Variants in DOCK3 observed in about 807,000 individuals in gnomAD.
DOCK3 encodes dedicator of cytokinesis 3, also known as dedicator of cytokinesis protein 3.
In DOCK3, 60 loss-of-function variants were observed where a neutral mutation model predicts 265.6. The observed-to-expected ratio is 0.23, with a 90% CI of 0.18 to 0.28. DOCK3 has a LOEUF of 0.28. DOCK3 is among the 10% of genes least tolerant of loss of function. DOCK3 has a pLI of 1.00. For synonymous variants in DOCK3, 881 were observed against 938.0 expected (o/e 0.94, Z 1.11); for missense variants, 1,981 against 2,594.3 (o/e 0.76, Z 5.14).
intron 1 of DOCK3, among the ~76,000 whole-genome samples, chr3:50,697,744 T>G (rs2107789654): frequency 2.0e-5 from 3 of 152,344 alleles, no homozygotes. Flanking sequence ...GTGACTCAGC[T>G]CATCATTATG....
chr3:50,881,547 C>A (rs989790251), intron 3 of DOCK3, among the ~76,000 whole-genome samples: 7 of 152,098 alleles, frequency 4.6e-5, no homozygotes, highest in African/African-American at 1.7e-4. Flanking sequence ...ACCTAGGAAT[C>A]CAACTTACAA....
At position 51,090,274 on chromosome 3, in the gene DOCK3, A is replaced by G. The variant is rs886991063; in HGVS notation, c.636A>G (p.Pro212=). 2 of 1,599,422 alleles carry G rather than the reference A, an allele frequency of 1.3e-6. No homozygotes were observed. Among genetic ancestry groups the G allele is most frequent in the Non-Finnish European group, 1.7e-6 (2 of 1,172,592 alleles). Residue 212 remains proline (P), a synonymous_variant, in exon 9 of 53, where the codon CCA becomes CCG. Transcript: ENST00000266037. The part of the protein sequence containing the change: ...RPRHGETCRM[P]VPHHFFLSLK... The stretch of plus-strand genomic sequence containing the variant: ...GTCATGGGGAAACATGTCGGATGCC[A>G]GTGCCACATCACTTCTTCCTCAGCC...
In DOCK3 at chr3:51,164,226, A is replaced by C. The variant is rs2086268689; in HGVS notation, c.1037+3524A>C. ...CTCTTTTTTAAAAAAATGTCTTTTA[A>C]CCAATTCTGCCAGATAACCTTCATA... On this transcript the variant is annotated intron_variant, in intron 12 of 52. Transcript: ENST00000266037. Among the ~76,000 whole-genome samples the C allele has an allele frequency of 2.0e-5, 3 of 152,210 alleles. No individual in the cohort carries two copies. The South Asian group carries it at 6.2e-4, about 32-fold the overall frequency.
intron 32 of DOCK3, among the ~76,000 whole-genome samples, chr3:51,319,618 GCA>G (rs2083566003): frequency 6.6e-6 from 1 of 152,126 alleles, no homozygotes; most frequent in South Asian, 2.1e-4. Flanking sequence ...GGTAATCCCA[GCA>G]CTTTGGGAGG....
At chr3:51,110,520 G>A (rs886567989) in intron 9 of DOCK3, among the ~76,000 whole-genome samples, 2 of 152,112 alleles carry the variant, frequency 1.3e-5, no homozygotes, top group Non-Finnish European at 2.9e-5. Context: ...GGTATGCAAG[G>A]TTGATTTCAA....
intron 22 of DOCK3, among the ~76,000 whole-genome samples, chr3:51,254,494 G>T (rs2079439164): frequency 6.6e-6 from 1 of 152,102 alleles, no homozygotes; most frequent in Non-Finnish European, 1.5e-5. Context: ...GTTATTGTGT[G>T]GGAGTCTAAG....
At chr3:51,100,051 A>AGAAG (rs1246313597) in intron 9 of DOCK3, among the ~76,000 whole-genome samples, 2 of 151,338 alleles carry the variant, frequency 1.3e-5, no homozygotes, top group African/African-American at 4.9e-5. Context: ...AACTAGATAA[A>AGAAG]GAAAGAAAGA....
At chr3:51,259,563 A>G (rs1387745331) in intron 22 of DOCK3, among the ~76,000 whole-genome samples, 1 of 152,196 alleles carries the variant, frequency 6.6e-6, no homozygotes, top group African/African-American at 2.4e-5. Flanking sequence ...CTTATAGCAG[A>G]TGTCTTGGTG....
chr3:50,849,930 A>G (rs2046281885), intron 3 of DOCK3, among the ~76,000 whole-genome samples: 1 of 151,770 alleles, frequency 6.6e-6, no homozygotes, highest in African/African-American at 2.4e-5. Context: ...AAAAACCAAT[A>G]TTTAAGCTCT....
At chr3:51,132,074 C>T (rs1576186085) in intron 9 of DOCK3, among the ~76,000 whole-genome samples, 1 of 152,164 alleles carries the variant, frequency 6.6e-6, no homozygotes, top group Non-Finnish European at 1.5e-5. Context: ...CTACATTAAA[C>T]CAAGGGAGAT....
intron 1 of DOCK3, among the ~76,000 whole-genome samples, chr3:50,764,829 T>C (rs2040765741): frequency 6.6e-6 from 1 of 152,152 alleles, no homozygotes; most frequent in Admixed American, 6.6e-5. Flanking sequence ...TTCTTCCTAA[T>C]ATGTTGTTTT....
At chr3:51,116,739 T>A (rs2083760894) in intron 9 of DOCK3, among the ~76,000 whole-genome samples, 1 of 152,158 alleles carries the variant, frequency 6.6e-6, no homozygotes, top group Admixed American at 6.6e-5. Context: ...CAACGGGAGT[T>A]CACTCGTGAT....
chr3:50,738,945 A>G (rs144733585), intron 1 of DOCK3, among the ~76,000 whole-genome samples: 20 of 152,070 alleles, frequency 1.3e-4, no homozygotes, highest in African/African-American at 3.6e-4. Flanking sequence ...GGCACAAACA[A>G]CTCTCTGTAA....
intron 33 of DOCK3, 94 bp downstream of exon 33, chr3:51,330,317 G>C: frequency 7.8e-7 from 1 of 1,283,332 alleles, no homozygotes; most frequent in Non-Finnish European, 1.1e-6. Flanking sequence ...GCAGGCTTTA[G>C]AGGTTGGTCA....
Position 51,016,980 on chromosome 3 carries a change from G to GTTT in DOCK3, c.316-47468_316-47467insTTT, listed in dbSNP as rs80212564. The stretch of plus-strand genomic sequence containing the variant: ...ATATATTATATATATATAAATAAAT[G>GTTT]GTAAAATTTAGTAGTAAAACCATTG... On this transcript the variant is annotated intron_variant, in intron 5 of 52. Transcript: ENST00000266037. Among the ~76,000 whole-genome samples, 7 of 91,244 alleles carry GTTT rather than the reference G, an allele frequency of 7.7e-5. 1 individual carries two copies. The highest frequency in any genetic ancestry group is 3.0e-4 in the African/African-American group (7 of 23,580). 59.9% of individuals were successfully genotyped at this position (91,244 alleles called of 152,430 possible).
intron 1 of DOCK3, among the ~76,000 whole-genome samples, chr3:50,705,643 C>T (rs775760979): frequency 4.0e-5 from 6 of 151,716 alleles, no homozygotes; most frequent in African/African-American, 1.2e-4. Context: ...TGTTGATCTC[C>T]TGACCTCTTG....
At position 50,745,463 on chromosome 3, in the gene DOCK3, T is replaced by C. The variant is rs531538044; in HGVS notation, c.38-33212T>C. ...GAATGTCCTTCCACTAAGTAATGTT[T>C]TGTAGCTTTCATTATGCAAGTCTTA... On this transcript the variant is annotated intron_variant, in intron 1 of 52. Transcript: ENST00000266037. 2.0e-5 allele frequency among the ~76,000 whole-genome samples: 3 copies of C among 152,374 alleles called. No homozygotes were observed. The South Asian group carries it at 6.2e-4, about 32-fold the overall frequency.
At chr3:50,956,943 A>G (rs191312371) in intron 5 of DOCK3, among the ~76,000 whole-genome samples, 3 of 152,070 alleles carry the variant, frequency 2.0e-5, no homozygotes, top group Admixed American at 1.3e-4. Context: ...GCTCACTGCA[A>G]CCTCCACCTC....
At chr3:51,030,824 T>G (rs2080016996) in intron 5 of DOCK3, among the ~76,000 whole-genome samples, 1 of 152,220 alleles carries the variant, frequency 6.6e-6, no homozygotes, top group South Asian at 2.1e-4. Flanking sequence ...CCTGTGTGAT[T>G]GCCTAAAGCT....
Sources: allele counts gnomAD v4.1 joint callset (sites outside exome capture counted in the v4.1 genomes callset), GRCh38; gene constraint gnomAD v4.1.1; transcripts MANE v1.5; gene names NCBI Gene and HGNC (gene_info 2026-07-23, HGNC 2026-07-21).